RGS12: variants seen among roughly 807,000 people sequenced by gnomAD.
RGS12 encodes the protein regulator of G protein signaling 12, also known as regulator of G-protein signaling 12.
RGS12 carries 66 observed loss-of-function variants against 120.1 expected under a neutral mutation model. That is an observed-to-expected ratio of 0.55 (90% confidence interval 0.45 to 0.67). RGS12 has a LOEUF of 0.67. Among genes scored for constraint, RGS12 ranks in the 30% least tolerant of loss-of-function variants. The pLI, the probability that RGS12 is intolerant of heterozygous loss-of-function variation, is 0.00. For synonymous variants in RGS12, 827 were observed against 804.7 expected (o/e 1.03, Z -0.47); for missense variants, 1,859 against 1,957.7 (o/e 0.95, Z 0.95).
upstream of RGS12, among the ~76,000 whole-genome samples, chr4:3,291,775 GCCCTGCAGGTGAAAACAGTTCCCT>G (rs1408491552): frequency 6.6e-6 from 1 of 152,184 alleles, no homozygotes; most frequent in Non-Finnish European, 1.5e-5. Context: ...CGCTCCTTCA[GCCCTGCAGGTGAAAACAGTTCCCT>G]CCCTGCTGTT....
chr4:3,418,798 C>T (rs773022857), intron 9 of RGS12: 11 of 151,962 alleles, frequency 7.2e-5, no homozygotes, highest in South Asian at 2.1e-4. Flanking sequence ...CCAGGCCTCC[C>T]GAGTACCTGG....
chr4:3,326,446 C>T (rs1233391342), intron 2 of RGS12, among the ~76,000 whole-genome samples: 1 of 152,120 alleles, frequency 6.6e-6, no homozygotes, highest in East Asian at 1.9e-4. Flanking sequence ...TGGAGTCTCA[C>T]AGTGTAGCCC....
chr4:3,355,283 T>C (rs1017263585), intron 3 of RGS12, among the ~76,000 whole-genome samples: 15 of 152,208 alleles, frequency 9.9e-5, no homozygotes, highest in Admixed American at 7.9e-4. Context: ...AATTCCTTAA[T>C]CTGATAAGGA....
At chr4:3,336,997 G>GA (rs994178851) in intron 2 of RGS12, among the ~76,000 whole-genome samples, 23 of 150,620 alleles carry the variant, frequency 1.5e-4, no homozygotes, top group East Asian at 3.9e-4. Context: ...CTGTGAAGTA[G>GA]AAAAAAAAAT....
intron 2 of RGS12, among the ~76,000 whole-genome samples, chr4:3,323,452 G>C (rs2749785): frequency 0.71 from 107,299 of 152,126 alleles, 39,590 homozygotes; most frequent in African/African-American, 0.93. Context: ...GTTTGCACAG[G>C]CTCTTGGATA....
chr4:3,394,468 T>C (rs969177796), intron 4 of RGS12, among the ~76,000 whole-genome samples: 1 of 152,234 alleles, frequency 6.6e-6, no homozygotes, highest in Non-Finnish European at 1.5e-5. Flanking sequence ...CAGCCGAATA[T>C]GTGAAATGTA....
chr4:3,412,728 C>T (rs1721871794), intron 4 of RGS12, among the ~76,000 whole-genome samples: 1 of 152,264 alleles, frequency 6.6e-6, no homozygotes. Flanking sequence ...GCCCAAAGCC[C>T]AGGGCTTCTT....
chr4:3,439,852 T>C lies in RGS12; in HGVS notation c.*168T>C. 1.6e-6 allele frequency: 1 copy of C among 617,296 alleles called. No individual in the cohort carries two copies. The highest frequency in any genetic ancestry group is 2.7e-6 in the Non-Finnish European group (1 of 376,338). 38.2% of individuals were successfully genotyped at this position (617,296 alleles called of 1,614,324 possible). A position where few individuals can be genotyped will look rare whatever the true frequency, so the allele number is the denominator to read the frequency against. On this transcript the variant is annotated 3_prime_UTR_variant, in exon 18 of 18. Transcript: ENST00000336727. ...CACTGGCCCCGGACATTCGCCATGC[T>C]GGCCATGGGGCTCCCTGGCCCTGGC...
intron 4 of RGS12, among the ~76,000 whole-genome samples, chr4:3,392,416 A>G (rs1719598423): frequency 6.6e-6 from 1 of 152,118 alleles, no homozygotes; most frequent in Admixed American, 6.5e-5. Flanking sequence ...CTAATTATGC[A>G]AGCATGTTAG....
intron 17 of RGS12, among the ~76,000 whole-genome samples, chr4:3,436,535 G>C (rs184090894): frequency 6.6e-6 from 1 of 152,182 alleles, no homozygotes; most frequent in African/African-American, 2.4e-5. Flanking sequence ...TGCCAGGCCT[G>C]GGTCTCGAAG....
At chr4:3,420,057 T>A (rs1002907408) in intron 9 of RGS12, among the ~76,000 whole-genome samples, 10 of 152,164 alleles carry the variant, frequency 6.6e-5, no homozygotes, top group Non-Finnish European at 1.2e-4. Flanking sequence ...TGTCCGAATT[T>A]TCATGATTTG....
At chr4:3,355,672 A>G (rs1714809766) in intron 3 of RGS12, among the ~76,000 whole-genome samples, 1 of 151,422 alleles carries the variant, frequency 6.6e-6, no homozygotes, top group Admixed American at 6.6e-5. Flanking sequence ...GTATGCGCCC[A>G]TAGTCCCAGC....
intron 2 of RGS12, among the ~76,000 whole-genome samples, chr4:3,320,854 G>T (rs906448960): frequency 6.6e-6 from 1 of 152,196 alleles, no homozygotes; most frequent in Admixed American, 6.5e-5. Context: ...CGTCCGCAGC[G>T]ATCAGGGCCC....
rs1724575806 is a variant in RGS12 at position 3,433,922 on chromosome 4, C to A, written c.4114+2967C>A. Among the ~76,000 whole-genome samples the A allele has an allele frequency of 6.6e-6, 1 of 152,184 alleles. No homozygotes were observed. ...CTGCCAGGCCACCCAGTCTAATGGC[C>A]CTGAGCCTTAGCTGTCTGACACACA... On this transcript the variant is annotated intron_variant, in intron 17 of 17. Transcript: ENST00000336727. The surrounding 1 kb of genome is among the most constrained non-coding windows in gnomAD (Gnocchi z 4.4).
chr4:3,345,598 G>A (rs1713715030), intron 3 of RGS12, among the ~76,000 whole-genome samples: 1 of 152,172 alleles, frequency 6.6e-6, no homozygotes, highest in South Asian at 2.1e-4. Flanking sequence ...AGGTGTGGAG[G>A]GAGTGGCCCT....
chr4:3,425,415 C>A (rs764477653), intron 13 of RGS12, 49 bp from the exon 14 acceptor site: 2 of 1,511,990 alleles, frequency 1.3e-6, no homozygotes, highest in African/African-American at 2.7e-5. Context: ...ACATCTGTTC[C>A]CTGAAGTTCC....
chr4:3,314,794 T>A (rs1349854013), intron 1 of RGS12: 4 of 152,230 alleles, frequency 2.6e-5, no homozygotes, highest in African/African-American at 9.6e-5. Context: ...TTTAAAGTGA[T>A]CTTTAAAGAG....
rs200608641 is a variant in RGS12 at position 3,439,567 on chromosome 4, C to T, written c.4227C>T (p.Gly1409=). The part of the protein sequence containing the change: ...RDGGIAGAQA[G]PGRSQASGGP... Reference sequence around the variant, plus strand: ...GTGGCATAGCGGGGGCACAGGCTGGCCCTGGGAGGTCGCAGGCCAGTGGTG... The same window carrying T: ...GTGGCATAGCGGGGGCACAGGCTGGTCCTGGGAGGTCGCAGGCCAGTGGTG... The change falls in exon 18 of 18, where the codon GGC becomes GGT. Residue 1409 remains glycine (G), a synonymous_variant. Transcript: ENST00000336727. 7.8e-4 allele frequency: 1,262 copies of T among 1,611,798 alleles called. No individual in the cohort carries two copies. The highest frequency in any genetic ancestry group is 1.0e-3 in the Non-Finnish European group (1,189 of 1,179,362).
rs569229760 is a variant in RGS12, at chr4:3,386,039, G to A, written c.1999-377G>A. 6 of 260,158 alleles carry A rather than the reference G, an allele frequency of 2.3e-5. No individual in the cohort carries two copies. In the East Asian group the frequency reaches 3.7e-4, roughly 16 times the overall value. The allele number at this position is 260,158 out of a possible 1,614,324, so 16.1% of individuals were successfully genotyped here. A position where few individuals can be genotyped will look rare whatever the true frequency, so the allele number is the denominator to read the frequency against. On this transcript the variant is annotated intron_variant, in intron 3 of 17. Transcript: ENST00000336727. Reference sequence around the variant, plus strand: ...CGAGTGTGGTCCTGGGTGGCGTCACGGCACGTGGGCACTGAGTGGGCTGTT... The same window carrying A: ...CGAGTGTGGTCCTGGGTGGCGTCACAGCACGTGGGCACTGAGTGGGCTGTT...
Sources: gnomAD v4.1 joint callset for allele counts (sites outside exome capture counted in the v4.1 genomes callset) on GRCh38, gnomAD v4.1.1 for gene constraint, Gnocchi (gnomAD v3.1) non-coding constraint, MANE v1.5 for transcripts, NCBI Gene and HGNC (gene_info 2026-07-23, HGNC 2026-07-21) for gene names.